Variants in CLOCK observed in about 807,000 individuals in gnomAD.
CLOCK encodes the protein clock circadian regulator.
A neutral mutation model predicts 118.4 loss-of-function variants in CLOCK; 43 were observed. The ratio of observed to expected loss-of-function variants is 0.36; its 90% CI spans 0.28 to 0.47. CLOCK has a LOEUF of 0.47. CLOCK is among the 20% of genes least tolerant of loss of function. The pLI is 1.00. For synonymous variants in CLOCK, 326 were observed against 339.2 expected, an observed-to-expected ratio of 0.96 and a Z score of 0.43; for missense variants, 846 against 999.9, an observed-to-expected ratio of 0.85 and a Z score of 2.08.
intron 8 of CLOCK, among the ~76,000 whole-genome samples, chr4:55,465,747 T>C (rs1472426317): frequency 1.3e-5 from 2 of 151,978 alleles, no homozygotes; most frequent in Non-Finnish European, 2.9e-5. Flanking sequence ...AGGTCATCAG[T>C]TCAAGACCAG....
chr4:55,517,865 T>C (rs890121988), intron 1 of CLOCK, among the ~76,000 whole-genome samples: 3 of 152,280 alleles, frequency 2.0e-5, no homozygotes, highest in South Asian at 4.1e-4. Flanking sequence ...ATAAACTTTA[T>C]AGAGAACATT....
chr4:55,526,062 A>G (rs1437527865), intron 1 of CLOCK, among the ~76,000 whole-genome samples: 1 of 152,204 alleles, frequency 6.6e-6, no homozygotes, highest in Non-Finnish European at 1.5e-5. Context: ...CGGGATACTC[A>G]ACTGAAAAGT....
Position 55,521,653 on chromosome 4 carries a change from C to A in CLOCK, c.-289-11588G>T, listed in dbSNP as rs562746550. On this transcript the variant is annotated intron_variant, in intron 1 of 22. Coordinates refer to ENST00000513440, the MANE Select transcript of CLOCK (RefSeq NM_004898.4). ...TGAATTATTGGCCTTCACAAATATG[C>A]AAAGGAAAGAAATGGGCCTCAGACT... 6.6e-5 allele frequency among the ~76,000 whole-genome samples: 10 copies of A among 152,308 alleles called. No individual in the cohort carries two copies. The East Asian group carries it at 1.9e-3, about 29-fold the overall frequency.
intron 18 of CLOCK, among the ~76,000 whole-genome samples, chr4:55,447,302 T>C (rs941710479): frequency 9.2e-5 from 14 of 152,066 alleles, no homozygotes; most frequent in African/African-American, 3.1e-4. Flanking sequence ...AAGCAGAGGT[T>C]GCAGTAAGCC....
Position 55,470,785 on chromosome 4 carries a change from C to A in CLOCK, c.370G>T (p.Ala124Ser). Reference sequence around the variant, plus strand: ...ATTATGCTTCCATCTGTCATGATTGCTAAAAAAAAACCATCAAGAGCCTGA... The same window carrying A: ...ATTATGCTTCCATCTGTCATGATTGATAAAAAAAAACCATCAAGAGCCTGA... ...MLEALDGFFLAIMTDGSIIYV... is the reference protein window; with the variant it reads ...MLEALDGFFLSIMTDGSIIYV... Residue 124 changes from alanine (A) to serine (S), a missense_variant, in exon 8 of 23, where the codon GCA becomes TCA. By Grantham distance (99) the Ala-to-Ser change is moderately conservative. Coordinates refer to ENST00000513440, the MANE Select transcript of CLOCK (RefSeq NM_004898.4). The A allele has an allele frequency of 1.2e-6, 2 of 1,606,628 alleles. No homozygotes were observed. The highest frequency in any genetic ancestry group is 1.3e-5 in the African/African-American group (1 of 74,294).
intron 2 of CLOCK, among the ~76,000 whole-genome samples, chr4:55,502,692 A>T (rs933427976): frequency 3.3e-5 from 5 of 152,220 alleles, no homozygotes; most frequent in African/African-American, 4.8e-5. Context: ...CTTCATTAAA[A>T]TTAAGAAATT....
At chr4:55,447,268 G>A (rs966295206) in intron 18 of CLOCK, among the ~76,000 whole-genome samples, 1 of 152,160 alleles carries the variant, frequency 6.6e-6, no homozygotes, top group Non-Finnish European at 1.5e-5. Context: ...TCGGGAGACT[G>A]AGGCGGGATC....
Position 55,453,045 on chromosome 4 carries a change from GA to G in CLOCK, c.1206+8del. ...TAAAAATAATTTTTTTTAATTATAA[GA>G]AACATACTTTGTCAGCAGCTGTCTC... On this transcript the variant is annotated splice_region_variant and intron_variant, in intron 15 of 22. Transcript: ENST00000513440. 6.3e-7 allele frequency: 1 copy of G among 1,594,054 alleles called. No individual in the cohort carries two copies. The highest frequency in any genetic ancestry group is 1.1e-5 in the South Asian group (1 of 88,744).
chr4:55,443,807 A>T lies in CLOCK; in HGVS notation c.1782T>A (p.Pro594=). The T allele has an allele frequency of 6.2e-7, 1 of 1,614,076 alleles. No individual in the cohort carries two copies. Among genetic ancestry groups the T allele is most frequent in the Non-Finnish European group, 8.5e-7 (1 of 1,179,950 alleles). Residue 594 remains proline, a synonymous_variant, in exon 20 of 23, where the codon CCT becomes CCA. Transcript: ENST00000513440. ...GAACAACTTGGCCTTGCATATTTAT[A>T]GGTGCAAGTTGCTGGATATTAGATG... ...GNSSNIQQLA[P]INMQGQVVPT...
intron 1 of CLOCK, among the ~76,000 whole-genome samples, chr4:55,537,197 A>C (rs543893857): frequency 6.6e-6 from 1 of 152,316 alleles, no homozygotes; most frequent in African/African-American, 2.4e-5. Context: ...CAAAAACTGG[A>C]AACGGCCAGG....
At chr4:55,543,812 T>TA (rs1359291195) in intron 1 of CLOCK, among the ~76,000 whole-genome samples, 4 of 152,062 alleles carry the variant, frequency 2.6e-5, no homozygotes, top group Non-Finnish European at 5.9e-5. Context: ...ATTCCATTTT[T>TA]AAAAAAGATT....
At chr4:55,545,487 C>CA (rs1219648526) in intron 1 of CLOCK, 1 of 152,170 alleles carries the variant, frequency 6.6e-6, no homozygotes, top group Non-Finnish European at 1.5e-5. Context: ...ATAGTCAAAT[C>CA]AACGACTGTA....
intron 1 of CLOCK, 184 bp downstream of exon 1, chr4:55,546,598 A>T (rs1032663032): frequency 6.7e-6 from 1 of 148,818 alleles, no homozygotes; most frequent in Non-Finnish European, 1.5e-5. Flanking sequence ...CACCTCCAGC[A>T]GCACCTGGGG....
intron 6 of CLOCK, among the ~76,000 whole-genome samples, chr4:55,477,914 A>C (rs1257267978): frequency 6.6e-6 from 1 of 152,086 alleles, no homozygotes. Flanking sequence ...GTACAGATGC[A>C]GAAGAAGATG....
intron 17 of CLOCK, 104 bp from the exon 18 acceptor site, chr4:55,448,972 T>C (rs753828037): frequency 7.6e-6 from 7 of 923,874 alleles, no homozygotes; most frequent in Middle Eastern, 2.2e-4. Context: ...ACTTACCATT[T>C]GCCTCATACT....
chr4:55,543,919 C>T (rs1223249751), intron 1 of CLOCK, among the ~76,000 whole-genome samples: 2 of 152,042 alleles, frequency 1.3e-5, no homozygotes, highest in African/African-American at 4.8e-5. Context: ...TATAAGTATC[C>T]TATCCTACAA....
intron 3 of CLOCK, among the ~76,000 whole-genome samples, chr4:55,484,463 T>C (rs528870418): frequency 6.6e-6 from 1 of 152,196 alleles, no homozygotes; most frequent in Non-Finnish European, 1.5e-5. Flanking sequence ...TCTGAGGTAG[T>C]ATCAGCAGAT....
intron 4 of CLOCK, among the ~76,000 whole-genome samples, chr4:55,481,928 G>C (rs1429079222): frequency 1.3e-5 from 2 of 152,136 alleles, no homozygotes; most frequent in Non-Finnish European, 2.9e-5. Context: ...TTTGCTGTCA[G>C]AGTAGATGCT....
chr4:55,435,688 A>G, intron 22 of CLOCK, 94 bp from the exon 23 acceptor site: 1 of 1,306,244 alleles, frequency 7.7e-7, no homozygotes, highest in Non-Finnish European at 1.1e-6. Flanking sequence ...TAGGGACAAA[A>G]TCCTTAAAAT....
Sources: gnomAD v4.1 joint callset for allele counts (sites outside exome capture counted in the v4.1 genomes callset) on GRCh38, gnomAD v4.1.1 for gene constraint, MANE v1.5 for transcripts, NCBI Gene and HGNC (gene_info 2026-07-23, HGNC 2026-07-21) for gene names.